Variants in PRSS55 observed in about 807,000 individuals in gnomAD.
PRSS55 encodes the protein probable serine protease UNQ9391/PRO34284.
A neutral mutation model predicts 23.6 loss-of-function variants in PRSS55; 41 were observed. The ratio of observed to expected loss-of-function variants is 1.74; its 90% CI spans 1.35 to 2.26. The LOEUF (loss-of-function observed/expected upper bound fraction) is 2.26. PRSS55 is among the 30% of genes most tolerant of loss of function. The pLI is 0.00. For synonymous variants in PRSS55, 262 were observed against 175.5 expected (o/e 1.49, Z -3.90); for missense variants, 669 against 439.1 (o/e 1.52, Z -4.68).
chr8:10,531,651 C>A, intron 3 of PRSS55, 106 bp downstream of exon 3: 1 of 1,486,436 alleles, frequency 6.7e-7, no homozygotes, highest in Non-Finnish European at 9.0e-7. Flanking sequence ...GGAGCAGATT[C>A]CCGCTCAGTG....
downstream of PRSS55, among the ~76,000 whole-genome samples, chr8:10,542,419 GAAA>G (rs1554584731): frequency 2.0e-3 from 268 of 133,526 alleles, 3 homozygotes; most frequent in African/African-American, 8.0e-3. Context: ...CCATGCGGGG[GAAA>G]AAAAAAAAAA....
chr8:10,531,874 C>T (rs540696084), intron 3 of PRSS55, among the ~76,000 whole-genome samples: 2 of 152,330 alleles, frequency 1.3e-5, no homozygotes, highest in South Asian at 4.1e-4. Context: ...GGTATGTTTC[C>T]TACCTGGCTC....
downstream of PRSS55, among the ~76,000 whole-genome samples, chr8:10,542,711 T>C (rs1312966928): frequency 1.4e-5 from 2 of 141,306 alleles, no homozygotes; most frequent in Non-Finnish European, 3.1e-5. Flanking sequence ...CAACTAAAAA[T>C]ACAAAAAAAA....
At chr8:10,553,263 G>A (rs906278054) in intron 4 of PRSS55, among the ~76,000 whole-genome samples, 2 of 152,140 alleles carry the variant, frequency 1.3e-5, no homozygotes, top group Non-Finnish European at 2.9e-5. Context: ...TGCCATGATC[G>A]TAAGTTTCCT....
At chr8:10,532,695 GAGA>G (rs1485341294) in intron 3 of PRSS55, among the ~76,000 whole-genome samples, 1 of 152,186 alleles carries the variant, frequency 6.6e-6, no homozygotes, top group Non-Finnish European at 1.5e-5. Context: ...GGTTTTGAAT[GAGA>G]AGAATAGTTC....
At chr8:10,526,579 C>T (rs190864262) in intron 1 of PRSS55, among the ~76,000 whole-genome samples, 17 of 152,348 alleles carry the variant, frequency 1.1e-4, no homozygotes, top group Middle Eastern at 3.4e-3. Context: ...TAGAAGCAGC[C>T]GTTTCTGCTT....
intron 4 of PRSS55, chr8:10,545,257 G>C (rs1812787802): frequency 6.7e-6 from 1 of 149,962 alleles, no homozygotes; most frequent in South Asian, 2.1e-4. Context: ...GAGGGGAATA[G>C]TGCAATCAGG....
chr8:10,536,028 T>C (rs2117042337), intron 4 of PRSS55, among the ~76,000 whole-genome samples: 1 of 151,878 alleles, frequency 6.6e-6, no homozygotes, highest in East Asian at 1.9e-4. Context: ...CTACTGAAAA[T>C]ACAAAAAATT....
chr8:10,533,234 T>G (rs976697135), intron 4 of PRSS55, among the ~76,000 whole-genome samples, 186 bp downstream of exon 4: 1 of 152,220 alleles, frequency 6.6e-6, no homozygotes, highest in African/African-American at 2.4e-5. Flanking sequence ...GTGAGCACCC[T>G]GGGAGTCAAT....
chr8:10,550,274 G>C lies in PRSS55; in HGVS notation c.742-3669G>C, dbSNP rs566849840. 1.1e-3 allele frequency among the ~76,000 whole-genome samples: 170 copies of C among 152,270 alleles called. 2 individuals carry two copies. The highest frequency in any genetic ancestry group is 3.1e-3 in the African/African-American group (129 of 41,554). On this transcript the variant is annotated intron_variant, in intron 4 of 4. Transcript: ENST00000522210. ...ATCACTATCCACAGAGAATTACCTAGGGAGCCCCATAACACAGAAGTGGGG... is the reference window on the plus strand; with the variant it reads ...ATCACTATCCACAGAGAATTACCTACGGAGCCCCATAACACAGAAGTGGGG...
intron 4 of PRSS55, among the ~76,000 whole-genome samples, chr8:10,536,750 G>A (rs905060409): frequency 6.6e-6 from 1 of 152,158 alleles, no homozygotes; most frequent in Admixed American, 6.5e-5. Context: ...TATTCTAAGT[G>A]AATTAGTGCA....
chr8:10,543,894 T>C lies in PRSS55; in HGVS notation c.742-10049T>C, dbSNP rs1812741969. Among the ~76,000 whole-genome samples, 3 of 152,226 alleles carry C rather than the reference T, an allele frequency of 2.0e-5. No individual in the cohort carries two copies. The South Asian group carries it at 6.2e-4, about 32-fold the overall frequency. On this transcript the variant is annotated intron_variant, in intron 4 of 4. Coordinates refer to the PRSS55 transcript ENST00000522210. ...CACTGAGGTTGGAGAACATACTTTG[T>C]ATTATTTCAATCCTTTTAAAAATTT...
chr8:10,533,091 T>G, intron 4 of PRSS55, 43 bp downstream of exon 4: 3 of 1,601,796 alleles, frequency 1.9e-6, no homozygotes, highest in Non-Finnish European at 1.7e-6. Flanking sequence ...GTCCTCACCC[T>G]CTGGGAACTG....
chr8:10,531,124 T>A (rs1812242023), intron 2 of PRSS55, among the ~76,000 whole-genome samples, 171 bp from the exon 3 acceptor site: 1 of 151,974 alleles, frequency 6.6e-6, no homozygotes, highest in Admixed American at 6.6e-5. Flanking sequence ...TTTGTTTTGT[T>A]TTGTTTTTTC....
chr8:10,531,150 C>A (rs1453062903), intron 2 of PRSS55, 145 bp from the exon 3 acceptor site: 5 of 1,005,636 alleles, frequency 5.0e-6, no homozygotes, highest in Non-Finnish European at 5.9e-6. Context: ...TTTTTCCAAT[C>A]CTCACACCTT....
intron 4 of PRSS55, among the ~76,000 whole-genome samples, chr8:10,536,174 G>A (rs995207370): frequency 1.3e-4 from 20 of 152,038 alleles, no homozygotes; most frequent in Non-Finnish European, 2.5e-4. Flanking sequence ...GTGACAGAGC[G>A]AGACTCTGTC....
intron 4 of PRSS55, among the ~76,000 whole-genome samples, chr8:10,548,626 T>TC (rs1316720936): frequency 6.6e-6 from 1 of 151,868 alleles, no homozygotes; most frequent in Non-Finnish European, 1.5e-5. Flanking sequence ...CCCCGGCCAT[T>TC]CCCCCTGCCT....
chr8:10,538,485 G>A lies in PRSS55; in HGVS notation c.751G>A (p.Gly251Arg). 6.2e-7 allele frequency: 1 copy of A among 1,612,252 alleles called. No homozygotes were observed. Among genetic ancestry groups the A allele is most frequent in the Admixed American group, 1.7e-5 (1 of 59,932 alleles). Residue 251 changes from glycine to arginine, a missense_variant, in exon 5 of 5, where the codon GGG (glycine) becomes AGG (arginine). By Grantham distance (125) the Gly-to-Arg change is moderately radical. Transcript: ENST00000328655. ...ESYDACKGDS[G>R]GPLVCTPEPG... ...TGTTCTCTGCCCACAGGGTGACAGT[G>A]GGGGGCCTCTGGTCTGCACCCCAGA...
At chr8:10,528,372 G>C (rs2117010074) in intron 1 of PRSS55, among the ~76,000 whole-genome samples, 1 of 152,282 alleles carries the variant, frequency 6.6e-6, no homozygotes, top group East Asian at 1.9e-4. Context: ...GCTGATGGTT[G>C]GAAAATAAGC....
Sources: allele counts gnomAD v4.1 joint callset (sites outside exome capture counted in the v4.1 genomes callset), GRCh38; gene constraint gnomAD v4.1.1; transcripts MANE v1.5; gene names NCBI Gene and HGNC (gene_info 2026-07-23, HGNC 2026-07-21).